GRK7: variants seen among roughly 807,000 people sequenced by gnomAD.
GRK7 encodes rhodopsin kinase GRK7.
In GRK7, 24 loss-of-function variants were observed where a neutral mutation model predicts 34.1. The observed-to-expected ratio is 0.70, with a 90% CI of 0.51 to 0.99. The LOEUF (loss-of-function observed/expected upper bound fraction) is 0.99, where lower values mean the gene tolerates loss of function less well. Ranked by LOEUF, GRK7 falls within the 50% of genes least tolerant of loss-of-function variation. GRK7 has a pLI of 0.00. For synonymous variants in GRK7, 256 were observed against 279.4 expected (o/e 0.92, Z 0.84); for missense variants, 644 against 707.3 (o/e 0.91, Z 1.02).
intron 1 of GRK7, among the ~76,000 whole-genome samples, chr3:141,768,559 C>T (rs1401217432): frequency 6.6e-6 from 1 of 152,170 alleles, no homozygotes; most frequent in Non-Finnish European, 1.5e-5. Flanking sequence ...GGATTACAGG[C>T]ATGAGCCACC....
At chr3:141,794,366 GC>G (rs2084739604) in intron 4 of GRK7, among the ~76,000 whole-genome samples, 1 of 152,218 alleles carries the variant, frequency 6.6e-6, no homozygotes, top group Admixed American at 6.5e-5. Context: ...GAGCCAAGTA[GC>G]CCCCACAGGT....
chr3:141,811,533 T>C (rs1327182383), intron 5 of GRK7, among the ~76,000 whole-genome samples: 1 of 152,198 alleles, frequency 6.6e-6, no homozygotes, highest in Non-Finnish European at 1.5e-5. Context: ...GTGACTGTTT[T>C]GAATAAGACT....
At position 141,816,981 on chromosome 3, in the gene GRK7, T is replaced by A; in HGVS notation, c.1593T>A (p.Asn531Lys). 6.2e-7 allele frequency: 1 copy of A among 1,614,072 alleles called. No individual in the cohort carries two copies. The highest frequency in any genetic ancestry group is 8.5e-7 in the Non-Finnish European group (1 of 1,180,016). Reference sequence around the variant, plus strand: ...AAACGGGACTGTTTGAGGAACTGAATGACCCCAACAGACCTACGGGTTGTG... The same window carrying A: ...AAACGGGACTGTTTGAGGAACTGAAAGACCCCAACAGACCTACGGGTTGTG... ...IIETGLFEEL[N>K]DPNRPTGCEE... Residue 531 changes from asparagine (N) to lysine (K), a missense_variant, in exon 6 of 6, where the codon AAT (asparagine) becomes AAA (lysine). Coordinates refer to ENST00000682958, the MANE Select transcript of GRK7 (RefSeq NM_139209.3).
At chr3:141,810,359 T>TCCCTCCCCTCCCTCCTTCCCTTC (rs1711081117) in intron 5 of GRK7, among the ~76,000 whole-genome samples, 1 of 136,352 alleles carries the variant, frequency 7.3e-6, no homozygotes, top group African/African-American at 2.9e-5. Context: ...TTTCTCTCTC[T>TCCCTCCCCTCCCTCCTTCCCTTC]CTCTCCCATC....
chr3:141,778,579 G>A lies in GRK7; in HGVS notation c.295G>A (p.Gly99Arg). The change falls in exon 3 of 6, where the codon GGA becomes AGA. Residue 99 changes from glycine to arginine, a missense_variant. By Grantham distance (125) the Gly-to-Arg change is moderately radical (BLOSUM62 -2). Coordinates refer to ENST00000682958, the MANE Select transcript of GRK7 (RefSeq NM_139209.3). This position sits in a 1 kb window ranked among gnomAD's most constrained non-coding sequence, Gnocchi z 4.1. ...GCAGAACTGGGAGCTGGCCGAGGAG[G>A]GACCCACCAAAGACAGCGCGCTGCA... ...DVQNWELAEE[G>R]PTKDSALQGL... 6.2e-7 allele frequency: 1 copy of A among 1,613,218 alleles called. No individual in the cohort carries two copies. The highest frequency in any genetic ancestry group is 8.5e-7 in the Non-Finnish European group (1 of 1,179,834).
chr3:141,785,938 CAA>C (rs11328714), intron 4 of GRK7, among the ~76,000 whole-genome samples: 3,201 of 135,708 alleles, frequency 0.024, 101 homozygotes, highest in African/African-American at 0.074. Flanking sequence ...TACCCTGTCT[CAA>C]AAAAAAAAAA....
chr3:141,801,156 A>T (rs1334604392), intron 4 of GRK7, among the ~76,000 whole-genome samples: 5 of 151,842 alleles, frequency 3.3e-5, no homozygotes, highest in Admixed American at 2.0e-4. Context: ...TAAAAAATAC[A>T]AAAAATTAGC....
chr3:141,753,501 G>A, the GRK7 span, among the ~76,000 whole-genome samples: 1 of 152,130 alleles, frequency 6.6e-6, no homozygotes, highest in Non-Finnish European at 1.5e-5. Context: ...CATAAGGAGC[G>A]CCCAACCTAG....
chr3:141,762,709 C>A (rs1193012702), upstream of GRK7, among the ~76,000 whole-genome samples: 1 of 152,084 alleles, frequency 6.6e-6, no homozygotes, highest in African/African-American at 2.4e-5. Flanking sequence ...CGCCCCTCCC[C>A]CAGCCTCGCT....
At chr3:141,760,071 C>T (rs1198188080), upstream of GRK7, among the ~76,000 whole-genome samples, 4 of 147,552 alleles carry the variant, frequency 2.7e-5, no homozygotes, top group Admixed American at 6.8e-5. Flanking sequence ...GTCTTGCTAG[C>T]GGTCTATCAA....
chr3:141,793,843 G>T (rs181127565), intron 4 of GRK7, among the ~76,000 whole-genome samples: 1 of 152,314 alleles, frequency 6.6e-6, no homozygotes, highest in East Asian at 1.9e-4. Flanking sequence ...TCGGGAAAAA[G>T]CCTCCTTTCA....
intron 5 of GRK7, among the ~76,000 whole-genome samples, chr3:141,816,184 A>G (rs192989031): frequency 4.6e-5 from 7 of 152,322 alleles, no homozygotes; most frequent in South Asian, 2.1e-4. Flanking sequence ...GCAAATTACT[A>G]ATGGATTTTG....
chr3:141,757,255 C>T, the GRK7 span, among the ~76,000 whole-genome samples: 9 of 150,960 alleles, frequency 6.0e-5, no homozygotes, highest in East Asian at 7.8e-4. Flanking sequence ...CCCACTAACT[C>T]GTCATGTAGC....
chr3:141,799,026 G>A (rs1710922633), intron 4 of GRK7, among the ~76,000 whole-genome samples: 1 of 152,170 alleles, frequency 6.6e-6, no homozygotes, highest in Non-Finnish European at 1.5e-5. Context: ...TATTTCCTTG[G>A]GGAGGTGGTT....
chr3:141,795,201 A>G (rs1320129592), intron 4 of GRK7, among the ~76,000 whole-genome samples: 2 of 152,200 alleles, frequency 1.3e-5, no homozygotes, highest in Admixed American at 6.5e-5. Flanking sequence ...GGATCAGCAG[A>G]GCTCAATAGT....
intron 4 of GRK7, among the ~76,000 whole-genome samples, chr3:141,784,378 A>G (rs924900325): frequency 4.6e-5 from 7 of 152,192 alleles, no homozygotes; most frequent in Admixed American, 4.6e-4. Context: ...GCCTCATCCA[A>G]GAAGTTTTAT....
Position 141,785,666 on chromosome 3 carries a change from C to T in GRK7, c.1050+4855C>T, listed in dbSNP as rs554134355. The stretch of plus-strand genomic sequence containing the variant: ...GTAATCCCAGCTACTTGGGAGGCTG[C>T]TGTGGGAGAATCATTTGAACCCGGG... On this transcript the variant is annotated intron_variant, in intron 4 of 5. Coordinates refer to ENST00000682958, the MANE Select transcript of GRK7 (RefSeq NM_139209.3). 4.6e-5 allele frequency among the ~76,000 whole-genome samples: 7 copies of T among 151,372 alleles called. No individual in the cohort carries two copies. The South Asian group carries it at 6.3e-4, about 14-fold the overall frequency.
intron 1 of GRK7, among the ~76,000 whole-genome samples, chr3:141,767,661 A>G (rs2084595938): frequency 6.6e-6 from 1 of 152,114 alleles, no homozygotes; most frequent in Non-Finnish European, 1.5e-5. Context: ...TTGGCCTCCC[A>G]AAGTACTGGG....
In GRK7 at chr3:141,817,324, T is replaced by A. The variant is rs528131473; in HGVS notation, c.*274T>A. ...AACTGAAAGCATCAGCCTTTTACCATCATGTCCCTGTGTATTACGCAAAGT... is the reference window on the plus strand; with the variant it reads ...AACTGAAAGCATCAGCCTTTTACCAACATGTCCCTGTGTATTACGCAAAGT... On this transcript the variant is annotated 3_prime_UTR_variant, in exon 6 of 6. Coordinates refer to ENST00000682958, the MANE Select transcript of GRK7 (RefSeq NM_139209.3). 4.6e-5 allele frequency: 16 copies of A among 345,978 alleles called. No individual in the cohort carries two copies. In the Admixed American group the frequency reaches 5.2e-4, roughly 11 times the overall value. 21.4% of individuals were successfully genotyped at this position (345,978 alleles called of 1,614,324 possible).
Sources: allele counts gnomAD v4.1 joint callset (sites outside exome capture counted in the v4.1 genomes callset), GRCh38; gene constraint gnomAD v4.1.1; non-coding constraint Gnocchi (gnomAD v3.1); transcripts MANE v1.5; gene names NCBI Gene and HGNC (gene_info 2026-07-23, HGNC 2026-07-21).